SCN7A: variants seen among roughly 807,000 people sequenced by gnomAD.
The protein encoded by SCN7A is sodium channel protein type 7 subunit alpha.
SCN7A carries 138 observed loss-of-function variants against 155.2 expected under a neutral mutation model. The ratio of observed to expected loss-of-function variants is 0.89; its 90% CI spans 0.77 to 1.02. The LOEUF is 1.02. Ranked by LOEUF, SCN7A falls within the 50% of genes least tolerant of loss-of-function variation. The pLI is 0.00. For synonymous variants in SCN7A, 693 were observed against 649.0 expected, an observed-to-expected ratio of 1.07 and a Z score of -1.03; for missense variants, 2,058 against 1,986.6, an observed-to-expected ratio of 1.04 and a Z score of -0.68.
At chr2:166,414,411 G>A (rs901115658) in intron 21 of SCN7A, 3 of 133,238 alleles carry the variant, frequency 2.3e-5, no homozygotes, top group Non-Finnish European at 4.7e-5. Context: ...CACTGATCAA[G>A]TTATGGGGTG....
At chr2:166,474,012 G>T in intron 4 of SCN7A, 124 bp from the exon 5 acceptor site, 2 of 534,750 alleles carry the variant, frequency 3.7e-6, no homozygotes, top group Non-Finnish European at 6.4e-6. Flanking sequence ...ATTAATATTT[G>T]TTAATATTTA....
chr2:166,475,980 T>C (rs1702788582), intron 3 of SCN7A, among the ~76,000 whole-genome samples: 2 of 151,970 alleles, frequency 1.3e-5, no homozygotes, highest in South Asian at 2.1e-4. Flanking sequence ...TGTCTGTACA[T>C]GCAGCAGGGT....
Position 166,406,275 on chromosome 2 carries a change from C to T in SCN7A, c.4354G>A (p.Asp1452Asn). The T allele has an allele frequency of 6.2e-7, 1 of 1,613,158 alleles. No individual in the cohort carries two copies. Among genetic ancestry groups the T allele is most frequent in the Non-Finnish European group, 8.5e-7 (1 of 1,179,472 alleles). ...AIFNSKWSDC[D>N]PDKINPGTQV... ...GTCCCAGGGTTAATTTTATCAGGATCACAGTCAGACCATTTACTGTTGAAA... is the reference window on the plus strand; with the variant it reads ...GTCCCAGGGTTAATTTTATCAGGATTACAGTCAGACCATTTACTGTTGAAA... Residue 1452 changes from aspartate (D) to asparagine (N), a missense_variant, in exon 26 of 26, where the codon GAT (aspartate) becomes AAT (asparagine). Coordinates refer to ENST00000643258, the MANE Select transcript of SCN7A (RefSeq NM_002976.4).
At chr2:166,430,951 C>A (rs964822939) in intron 16 of SCN7A, among the ~76,000 whole-genome samples, 1 of 151,838 alleles carries the variant, frequency 6.6e-6, no homozygotes, top group African/African-American at 2.4e-5. Flanking sequence ...TAAATGAATA[C>A]ATCTTTTGTG....
intron 15 of SCN7A, chr2:166,441,012 G>A (rs1222469270): frequency 6.7e-6 from 2 of 298,098 alleles, no homozygotes; most frequent in Admixed American, 4.8e-5. Flanking sequence ...TAAAACTTAT[G>A]AGTTTTATAT....
At chr2:166,418,587 A>G (rs894808162) in intron 20 of SCN7A, among the ~76,000 whole-genome samples, 5 of 151,524 alleles carry the variant, frequency 3.3e-5, no homozygotes, top group Non-Finnish European at 7.4e-5. Context: ...CTTATGTTCC[A>G]TAGTTGCCTG....
chr2:166,443,687 A>G lies in SCN7A; in HGVS notation c.1627-11T>C, dbSNP rs1575031385. On this transcript the variant is annotated splice_polypyrimidine_tract_variant and intron_variant, in intron 13 of 25. Coordinates refer to ENST00000643258, the MANE Select transcript of SCN7A (RefSeq NM_002976.4). ...AATTCCAATGAAAACCTAAATCAAA[A>G]CCAAATACATAGGTGAGAATATGAT... 1 of 1,524,526 alleles carries G rather than the reference A, an allele frequency of 6.6e-7. No individual in the cohort carries two copies. Among genetic ancestry groups the G allele is most frequent in the African/African-American group, 1.4e-5 (1 of 72,014 alleles). 94.4% of individuals were successfully genotyped at this position (1,524,526 alleles called of 1,614,324 possible).
At chr2:166,460,895 T>C (rs550949401) in intron 10 of SCN7A, among the ~76,000 whole-genome samples, 65 of 152,054 alleles carry the variant, frequency 4.3e-4, no homozygotes, top group African/African-American at 1.4e-3. Context: ...AGAAGAAGGG[T>C]AATGTGATAA....
At chr2:166,488,266 A>G (rs555478321) in intron 1 of SCN7A, among the ~76,000 whole-genome samples, 1 of 152,344 alleles carries the variant, frequency 6.6e-6, no homozygotes, top group East Asian at 1.9e-4. Flanking sequence ...TCTCTAATGC[A>G]GGGCCTTTTC....
chr2:166,419,908 CA>C (rs1467909728), intron 20 of SCN7A, among the ~76,000 whole-genome samples: 2 of 151,858 alleles, frequency 1.3e-5, no homozygotes, highest in African/African-American at 4.8e-5. Context: ...ACTACATAAT[CA>C]AAATATTAAT....
chr2:166,464,285 A>T (rs537185760), intron 9 of SCN7A, among the ~76,000 whole-genome samples: 1 of 151,936 alleles, frequency 6.6e-6, no homozygotes, highest in East Asian at 2.0e-4. Context: ...TAAACCATAT[A>T]ACTCATGCTC....
In SCN7A at chr2:166,465,769, G is replaced by A. The variant is rs374109435; in HGVS notation, c.871+12C>T. ...TTTCAATTTTTGATATACATGGCAA[G>A]GTGATTCTTACCTCGAATATAATAT... On this transcript the variant is annotated intron_variant, in intron 8 of 25. Transcript: ENST00000643258. 58 of 1,612,650 alleles carry A rather than the reference G, an allele frequency of 3.6e-5. No homozygotes were observed. Among genetic ancestry groups the A allele is most frequent in the Middle Eastern group, 1.7e-4 (1 of 6,032 alleles).
At chr2:166,452,786 T>C (rs1575039606) in intron 11 of SCN7A, among the ~76,000 whole-genome samples, 1 of 152,140 alleles carries the variant, frequency 6.6e-6, no homozygotes, top group Admixed American at 6.5e-5. Flanking sequence ...TGAAATCAAA[T>C]ATCAGTGAGT....
chr2:166,413,995 ATATAT>A (rs1701262834), intron 21 of SCN7A, among the ~76,000 whole-genome samples: 3 of 100,594 alleles, frequency 3.0e-5, no homozygotes, highest in African/African-American at 1.2e-4. Context: ...ATATATATAT[ATATAT>A]ATAAATATAC....
At chr2:166,475,121 C>CATATATACGTAT (rs1559125289) in intron 3 of SCN7A, among the ~76,000 whole-genome samples, 12 of 102,190 alleles carry the variant, frequency 1.2e-4, no homozygotes, top group East Asian at 2.6e-4. Flanking sequence ...TATATATATA[C>CATATATACGTAT]ATATATATAT....
chr2:166,454,157 G>A (rs1214942291), intron 11 of SCN7A, among the ~76,000 whole-genome samples: 7 of 152,106 alleles, frequency 4.6e-5, no homozygotes, highest in Admixed American at 4.6e-4. Context: ...ATTGAGTGCA[G>A]CCATAAGCCC....
intron 7 of SCN7A, among the ~76,000 whole-genome samples, chr2:166,469,643 T>C (rs1029098725): frequency 2.6e-5 from 4 of 151,824 alleles, no homozygotes; most frequent in Non-Finnish European, 5.9e-5. Flanking sequence ...CTTGAATTCA[T>C]CTGATTTATT....
intron 9 of SCN7A, 103 bp from the exon 10 acceptor site, chr2:166,462,633 G>T: frequency 9.9e-7 from 1 of 1,007,772 alleles, no homozygotes; most frequent in South Asian, 1.9e-5. Flanking sequence ...GAGAACTCAC[G>T]CTTCCACAGG....
intron 5 of SCN7A, among the ~76,000 whole-genome samples, chr2:166,473,180 A>G (rs1018411506): frequency 5.0e-4 from 76 of 151,902 alleles, no homozygotes; most frequent in Non-Finnish European, 9.4e-4. Context: ...AAAGTTAAAC[A>G]AAAAGTAAAA....
Sources: gnomAD v4.1 joint callset for allele counts (sites outside exome capture counted in the v4.1 genomes callset) on GRCh38, gnomAD v4.1.1 for gene constraint, MANE v1.5 for transcripts, NCBI Gene and HGNC (gene_info 2026-07-23, HGNC 2026-07-21) for gene names.